RABL3: variants seen among roughly 807,000 people sequenced by gnomAD.
RABL3 encodes the protein rab-like protein 3.
In RABL3, 31 loss-of-function variants were observed where a neutral mutation model predicts 31.8. The observed-to-expected ratio is 0.97, with a 90% CI of 0.73 to 1.31. RABL3 has a LOEUF of 1.31. Ranked by LOEUF, RABL3 falls within the 40% of genes most tolerant of loss-of-function variation. The pLI is 0.00. For synonymous variants in RABL3, 97 were observed against 99.9 expected (o/e 0.97, Z 0.18); for missense variants, 263 against 279.6 (o/e 0.94, Z 0.42).
At chr3:120,694,272 G>A in intron 5 of RABL3, 48 bp from the exon 6 acceptor site, 1 of 1,279,960 alleles carries the variant, frequency 7.8e-7, no homozygotes, top group Non-Finnish European at 1.1e-6. Flanking sequence ...GGAAACCCAA[G>A]CTCGTTGCTA....
chr3:120,700,425 G>T, intron 4 of RABL3, among the ~76,000 whole-genome samples: 1 of 151,834 alleles, frequency 6.6e-6, no homozygotes, highest in Non-Finnish European at 1.5e-5. Flanking sequence ...AAGACAAACA[G>T]CCATCTTCTT....
chr3:120,735,786 CTTCAT>C (rs1348508722), intron 1 of RABL3, among the ~76,000 whole-genome samples: 2 of 152,142 alleles, frequency 1.3e-5, no homozygotes, highest in Non-Finnish European at 2.9e-5. Context: ...TCATTTCTGC[CTTCAT>C]TTCATTATGT....
intron 7 of RABL3, among the ~76,000 whole-genome samples, chr3:120,690,186 C>CGT (rs1708362914): frequency 6.6e-6 from 1 of 152,078 alleles, no homozygotes; most frequent in Non-Finnish European, 1.5e-5. Context: ...AGACCCTGAA[C>CGT]GTATACTCTT....
intron 2 of RABL3, among the ~76,000 whole-genome samples, chr3:120,712,144 C>T (rs1404619559): frequency 6.6e-6 from 1 of 152,002 alleles, no homozygotes; most frequent in African/African-American, 2.4e-5. Context: ...ATTTTTTTGT[C>T]CAAATCCTTT....
At chr3:120,704,724 A>T (rs1708530242) in intron 4 of RABL3, among the ~76,000 whole-genome samples, 1 of 152,226 alleles carries the variant, frequency 6.6e-6, no homozygotes, top group Non-Finnish European at 1.5e-5. Flanking sequence ...TTATACTAGC[A>T]ATGGAAAATT....
intron 2 of RABL3, among the ~76,000 whole-genome samples, chr3:120,730,088 T>C (rs1266962545): frequency 2.0e-5 from 3 of 152,106 alleles, no homozygotes; most frequent in Non-Finnish European, 2.9e-5. Context: ...TATGGAACAA[T>C]AGCTTCAAAG....
intron 2 of RABL3, among the ~76,000 whole-genome samples, chr3:120,717,790 G>A (rs376130018): frequency 2.6e-5 from 4 of 152,132 alleles, no homozygotes; most frequent in African/African-American, 9.7e-5. Flanking sequence ...GTTTCTAAAC[G>A]GAATTACTGC....
intron 6 of RABL3, among the ~76,000 whole-genome samples, chr3:120,692,382 T>A (rs1033425900): frequency 1.3e-5 from 2 of 149,856 alleles, no homozygotes; most frequent in Non-Finnish European, 1.5e-5. Context: ...GTATTTTTAC[T>A]AGAGATGGGG....
rs1209208564 is a variant in RABL3 at position 120,687,932 on chromosome 3, G to A, written c.*1891C>T. On this transcript the variant is annotated 3_prime_UTR_variant, in exon 8 of 8. Transcript: ENST00000273375. ...CTGCCTCAGCCTCCCAAGTAGCTGG[G>A]ATTACAGGCGCGTGCCACCAGGCCT... The A allele has an allele frequency of 6.6e-6, 1 of 152,004 alleles. No individual in the cohort carries two copies. Among genetic ancestry groups the A allele is most frequent in the Non-Finnish European group, 1.5e-5 (1 of 68,004 alleles). The allele number at this position is 152,004 out of a possible 1,614,324, so 9.4% of individuals were successfully genotyped here.
rs144267861 is a variant in RABL3, at chr3:120,718,072, T to C, written c.139-8163A>G. 3.2e-3 allele frequency among the ~76,000 whole-genome samples: 491 copies of C among 152,296 alleles called. 5 individuals are homozygous for C. The highest frequency in any genetic ancestry group is 0.011 in the African/African-American group (473 of 41,558). ...ATTCTCAGACTGCTTTTGCTTCCTC[T>C]ACCCATCATTAAACTCCTAATTGTT... On this transcript the variant is annotated intron_variant, in intron 2 of 7. Transcript: ENST00000273375.
intron 1 of RABL3, among the ~76,000 whole-genome samples, chr3:120,740,748 T>C (rs1017534688): frequency 6.6e-6 from 1 of 152,164 alleles, no homozygotes; most frequent in Non-Finnish European, 1.5e-5. Context: ...TTTAAAAAGA[T>C]AAAAAGACAA....
intron 2 of RABL3, among the ~76,000 whole-genome samples, chr3:120,729,792 C>T (rs1708861342): frequency 6.6e-6 from 1 of 151,406 alleles, no homozygotes; most frequent in Non-Finnish European, 1.5e-5. Flanking sequence ...TTATGAAGAA[C>T]AAAAATCTCA....
chr3:120,709,105 T>G (rs1316567316), intron 3 of RABL3, among the ~76,000 whole-genome samples: 1 of 151,996 alleles, frequency 6.6e-6, no homozygotes, highest in Non-Finnish European at 1.5e-5. Flanking sequence ...TGAAATTATG[T>G]TTCACAGTAA....
At chr3:120,740,034 T>A (rs569040313) in intron 1 of RABL3, among the ~76,000 whole-genome samples, 1 of 152,214 alleles carries the variant, frequency 6.6e-6, no homozygotes, top group Non-Finnish European at 1.5e-5. Context: ...TTTTCACCTT[T>A]AGAACTAAAT....
intron 2 of RABL3, among the ~76,000 whole-genome samples, chr3:120,721,157 G>A (rs1203844252): frequency 6.6e-6 from 1 of 152,118 alleles, no homozygotes; most frequent in East Asian, 1.9e-4. Context: ...TCACCACCAG[G>A]CCTGCCCTAA....
intron 2 of RABL3, 31 bp from the exon 3 acceptor site, chr3:120,709,940 A>G (rs550536932): frequency 6.5e-7 from 1 of 1,537,830 alleles, no homozygotes; most frequent in Non-Finnish European, 8.9e-7. Flanking sequence ...AATAATTAAT[A>G]TAGCCACTAA....
chr3:120,735,775 T>C (rs1252645863), intron 1 of RABL3, among the ~76,000 whole-genome samples: 2 of 152,224 alleles, frequency 1.3e-5, no homozygotes, highest in Admixed American at 1.3e-4. Flanking sequence ...AAAGAACATC[T>C]TCATTTCTGC....
At chr3:120,699,510 C>T (rs936624973) in intron 4 of RABL3, among the ~76,000 whole-genome samples, 14 of 152,168 alleles carry the variant, frequency 9.2e-5, no homozygotes, top group African/African-American at 2.7e-4. Flanking sequence ...ATTTCTGACA[C>T]GTTATAAGCT....
At chr3:120,702,369 T>A (rs1230422090) in intron 4 of RABL3, among the ~76,000 whole-genome samples, 1 of 152,020 alleles carries the variant, frequency 6.6e-6, no homozygotes, top group Admixed American at 6.5e-5. Context: ...ATCCCTCACA[T>A]GCACAGTTCA....
Sources: allele counts gnomAD v4.1 joint callset (sites outside exome capture counted in the v4.1 genomes callset), GRCh38; gene constraint gnomAD v4.1.1; transcripts MANE v1.5; gene names NCBI Gene and HGNC (gene_info 2026-07-23, HGNC 2026-07-21).